The following CADM1 variants were observed in gnomAD, a reference collection of about 807,000 sequenced individuals.
CADM1 encodes cell adhesion molecule 1, also known as TSLC-1.
Under a neutral mutation model 53.1 loss-of-function variants are expected in CADM1, and 15 were observed. That is an observed-to-expected ratio of 0.28 (90% confidence interval 0.19 to 0.44). The LOEUF (loss-of-function observed/expected upper bound fraction) is 0.44. Ranked by LOEUF, CADM1 falls within the 20% of genes least tolerant of loss-of-function variation. The pLI, the probability that CADM1 is intolerant of heterozygous loss-of-function variation, is 1.00. For missense variants in CADM1, 434 were observed against 611.3 expected (o/e 0.71, Z 3.06); for synonymous variants, 281 against 243.0 (o/e 1.16, Z -1.45).
At chr11:115,206,880 G>A (rs1171301790) in intron 8 of CADM1, among the ~76,000 whole-genome samples, 3 of 146,088 alleles carry the variant, frequency 2.1e-5, no homozygotes, top group Non-Finnish European at 4.5e-5. Flanking sequence ...GTGCAAGAGA[G>A]AAGAGGAGTG....
chr11:115,429,906 T>C (rs1401977018), intron 1 of CADM1, among the ~76,000 whole-genome samples: 1 of 152,166 alleles, frequency 6.6e-6, no homozygotes, highest in East Asian at 1.9e-4. Flanking sequence ...TGGCATGTAC[T>C]CCTCTTGAAA....
intron 1 of CADM1, among the ~76,000 whole-genome samples, chr11:115,430,534 T>C (rs1948019130): frequency 1.3e-5 from 2 of 152,186 alleles, no homozygotes; most frequent in Admixed American, 1.3e-4. Flanking sequence ...GATTTATAGC[T>C]CTGTCCACTG....
At chr11:115,383,747 T>C (rs1946633967) in intron 1 of CADM1, among the ~76,000 whole-genome samples, 1 of 152,194 alleles carries the variant, frequency 6.6e-6, no homozygotes, top group Non-Finnish European at 1.5e-5. Flanking sequence ...CTAACAGAGT[T>C]TCTTAGGAAT....
intron 1 of CADM1, among the ~76,000 whole-genome samples, chr11:115,246,513 T>G (rs561042907): frequency 2.0e-5 from 3 of 152,170 alleles, no homozygotes; most frequent in Non-Finnish European, 2.9e-5. Context: ...TCAATAGAAC[T>G]GAGTAGAAAG....
chr11:115,194,050 C>T (rs1026233678), intron 9 of CADM1: 12 of 152,226 alleles, frequency 7.9e-5, no homozygotes, highest in Non-Finnish European at 1.8e-4. Flanking sequence ...TTCCAAACTG[C>T]ATATCAAGGC....
At chr11:115,217,221 T>C (rs1407890678) in intron 6 of CADM1, among the ~76,000 whole-genome samples, 1 of 152,210 alleles carries the variant, frequency 6.6e-6, no homozygotes, top group Non-Finnish European at 1.5e-5. Flanking sequence ...GTATTAGTGA[T>C]GATATATGTA....
At chr11:115,422,314 TA>T (rs1947777205) in intron 1 of CADM1, among the ~76,000 whole-genome samples, 1 of 152,126 alleles carries the variant, frequency 6.6e-6, no homozygotes, top group Non-Finnish European at 1.5e-5. Context: ...AAAAATACTG[TA>T]AAAATCAGGT....
chr11:115,457,011 T>C (rs942726627), intron 1 of CADM1, among the ~76,000 whole-genome samples: 2 of 152,142 alleles, frequency 1.3e-5, no homozygotes, highest in Non-Finnish European at 2.9e-5. Context: ...TTCCTGATTG[T>C]TAACATAGTA....
intron 1 of CADM1, among the ~76,000 whole-genome samples, chr11:115,267,008 G>C (rs1943159984): frequency 6.6e-6 from 1 of 152,196 alleles, no homozygotes; most frequent in Admixed American, 6.5e-5. Context: ...TGTTGCACAT[G>C]AGTAGATCGA....
At chr11:115,311,909 T>TA (rs1944541893) in intron 1 of CADM1, among the ~76,000 whole-genome samples, 1 of 152,160 alleles carries the variant, frequency 6.6e-6, no homozygotes, top group African/African-American at 2.4e-5. Context: ...GTCCAAACTT[T>TA]AAAGGAATGT....
chr11:115,365,546 C>A, intron 1 of CADM1, among the ~76,000 whole-genome samples: 1 of 151,086 alleles, frequency 6.6e-6, no homozygotes. Flanking sequence ...CAAATATTGG[C>A]AAATAAAAAA....
At chr11:115,262,031 G>A (rs951465758) in intron 1 of CADM1, among the ~76,000 whole-genome samples, 2 of 151,766 alleles carry the variant, frequency 1.3e-5, no homozygotes, top group African/African-American at 4.8e-5. Context: ...TGCCCACCTC[G>A]GCCTCCCAAA....
chr11:115,198,187 G>C (rs908818813), intron 9 of CADM1, among the ~76,000 whole-genome samples: 1 of 152,204 alleles, frequency 6.6e-6, no homozygotes, highest in African/African-American at 2.4e-5. Flanking sequence ...ACCCAGTGGG[G>C]AGAAGGTCTC....
chr11:115,250,187 G>A (rs987255311), intron 1 of CADM1, among the ~76,000 whole-genome samples: 1 of 152,194 alleles, frequency 6.6e-6, no homozygotes, highest in Non-Finnish European at 1.5e-5. Flanking sequence ...ACAAGCATGA[G>A]CCACTGTGCC....
At chr11:115,248,550 CA>C (rs957186055) in intron 1 of CADM1, among the ~76,000 whole-genome samples, 2 of 151,606 alleles carry the variant, frequency 1.3e-5, no homozygotes, top group Non-Finnish European at 2.9e-5. Context: ...AAGCTAATGG[CA>C]AAAAAAGAAA....
At chr11:115,331,873 C>CTTTTTTTTTT (rs141722707) in intron 1 of CADM1, among the ~76,000 whole-genome samples, 5 of 146,884 alleles carry the variant, frequency 3.4e-5, no homozygotes, top group South Asian at 2.2e-4. Context: ...AAATATAGAC[C>CTTTTTTTTTT]TTTTTTTTTG....
At chr11:115,373,597 AAAAAAAAAAAAGAAG>A (rs1463160965) in intron 1 of CADM1, among the ~76,000 whole-genome samples, 91 of 143,106 alleles carry the variant, frequency 6.4e-4, no homozygotes, top group Admixed American at 7.7e-4. Flanking sequence ...AAAAAAAAAA[AAAAAAAAAAAAGAAG>A]AAGAAGAAGA....
chr11:115,434,406 A>AAGTGC (rs1345382251), intron 1 of CADM1, among the ~76,000 whole-genome samples: 1 of 152,224 alleles, frequency 6.6e-6, no homozygotes, highest in Non-Finnish European at 1.5e-5. Context: ...GCACCAAGCT[A>AAGTGC]AGTGCAGTTA....
chr11:115,401,021 G>A (rs1947139441), intron 1 of CADM1, among the ~76,000 whole-genome samples: 1 of 152,002 alleles, frequency 6.6e-6, no homozygotes, highest in Admixed American at 6.5e-5. Context: ...GAAAACTTAT[G>A]TCCACACAAA....
Sources: allele counts gnomAD v4.1 joint callset (sites outside exome capture counted in the v4.1 genomes callset), GRCh38; gene constraint gnomAD v4.1.1; transcripts MANE v1.5; gene names NCBI Gene and HGNC (gene_info 2026-07-23, HGNC 2026-07-21).